Variants in SUCLG2 observed in about 807,000 individuals in gnomAD.
SUCLG2 encodes the protein succinate-CoA ligase GDP-forming subunit beta.
SUCLG2 carries 42 observed loss-of-function variants against 47.9 expected under a neutral mutation model. The ratio of observed to expected loss-of-function variants is 0.88; its 90% CI spans 0.69 to 1.14. The LOEUF is 1.14. Ranked by LOEUF, SUCLG2 falls within the 50% of genes most tolerant of loss-of-function variation. SUCLG2 has a pLI of 0.00. For missense variants in SUCLG2, 571 were observed against 525.9 expected, an observed-to-expected ratio of 1.09 and a Z score of -0.84; for synonymous variants, 195 against 197.3, an observed-to-expected ratio of 0.99 and a Z score of 0.10.
At chr3:67,477,905 A>C (rs1220739160) in intron 9 of SUCLG2, among the ~76,000 whole-genome samples, 6 of 152,244 alleles carry the variant, frequency 3.9e-5, no homozygotes, top group Non-Finnish European at 2.9e-5. Flanking sequence ...AAATAACAGC[A>C]GCTAGCACTT....
chr3:67,529,178 C>T lies in SUCLG2; in HGVS notation c.235G>A (p.Glu79Lys), dbSNP rs201284259. ...AAGATCTGGGCTTTTAAAACAATTTCTTTTGCATCTGAAAAAGAAAAATCC... is the reference window on the plus strand; with the variant it reads ...AAGATCTGGGCTTTTAAAACAATTTTTTTTGCATCTGAAAAAGAAAAATCC... Reference protein sequence around the residue: ...LEAAKRLNAKEIVLKAQILAG... With the variant: ...LEAAKRLNAKKIVLKAQILAG... Residue 79 changes from glutamate (E) to lysine (K), a missense_variant, in exon 3 of 11, where the codon GAA (glutamate) becomes AAA (lysine). Transcript: ENST00000307227. 1.4e-4 allele frequency: 220 copies of T among 1,608,158 alleles called. No individual in the cohort carries two copies. The highest frequency in any genetic ancestry group is 1.7e-4 in the Admixed American group (10 of 58,556).
At chr3:67,497,769 C>T (rs1705384886) in intron 8 of SUCLG2, among the ~76,000 whole-genome samples, 1 of 152,106 alleles carries the variant, frequency 6.6e-6, no homozygotes. Flanking sequence ...ATACCACAGC[C>T]ATTTGGAACT....
At chr3:67,489,059 T>C (rs978229513) in intron 9 of SUCLG2, among the ~76,000 whole-genome samples, 6 of 152,158 alleles carry the variant, frequency 3.9e-5, no homozygotes, top group African/African-American at 1.4e-4. Context: ...AGCATGTAAA[T>C]AGATTTTGAG....
chr3:67,508,782 T>G, intron 7 of SUCLG2, 25 bp downstream of exon 7: 2 of 1,517,492 alleles, frequency 1.3e-6, no homozygotes, highest in Non-Finnish European at 1.8e-6. Flanking sequence ...ATTCATTTGT[T>G]TTCTCAATTC....
chr3:67,375,396 C>T lies in SUCLG2; in HGVS notation c.*348G>A, dbSNP rs147658116. 2 of 997,482 alleles carry T rather than the reference C, an allele frequency of 2.0e-6. No homozygotes were observed. The highest frequency in any genetic ancestry group is 1.0e-4 in the East Asian group (1 of 9,670). 61.8% of individuals were successfully genotyped at this position (997,482 alleles called of 1,614,324 possible). ...TTCATTATGTAGGATTAGATGCCCA[C>T]CAAAATTCTTGTAAATGAAGCAGGA... is the stretch of plus-strand genomic sequence containing the variant. On this transcript the variant is annotated 3_prime_UTR_variant, in exon 11 of 11. Coordinates refer to ENST00000307227, the MANE Select transcript of SUCLG2 (RefSeq NM_003848.4).
intron 2 of SUCLG2, among the ~76,000 whole-genome samples, chr3:67,563,818 G>A (rs1707376277): frequency 6.6e-6 from 1 of 151,956 alleles, no homozygotes; most frequent in Non-Finnish European, 1.5e-5. Context: ...AAAATTAGCT[G>A]GGAGTGATGG....
chr3:67,453,015 C>A (rs531803738), intron 9 of SUCLG2, among the ~76,000 whole-genome samples: 3 of 151,688 alleles, frequency 2.0e-5, no homozygotes, highest in Non-Finnish European at 4.4e-5. Context: ...CATTCTCTTT[C>A]TGAACTCCTT....
intron 9 of SUCLG2, among the ~76,000 whole-genome samples, chr3:67,461,286 G>A (rs1272018458): frequency 1.3e-5 from 2 of 152,106 alleles, no homozygotes; most frequent in Non-Finnish European, 2.9e-5. Context: ...GTGCATTGAA[G>A]CCAACTCATT....
intron 9 of SUCLG2, among the ~76,000 whole-genome samples, chr3:67,407,664 G>A (rs1355652620): frequency 2.0e-5 from 3 of 152,198 alleles, no homozygotes; most frequent in Non-Finnish European, 2.9e-5. Flanking sequence ...ATTAGGTTTT[G>A]TCTGTGCCTA....
chr3:67,534,768 C>CAAAA lies in SUCLG2; in HGVS notation c.227-5586_227-5583dup, dbSNP rs60612549. Reference sequence around the variant, plus strand: ...GGACAGAACTCCCTAACACTGATGGCAAAAAAAAAAAAAAAAAAAAAAAAA... The same window carrying CAAAA: ...GGACAGAACTCCCTAACACTGATGGCAAAAAAAAAAAAAAAAAAAAAAAAAAAAA... On this transcript the variant is annotated intron_variant, in intron 2 of 10. Coordinates refer to ENST00000307227, the MANE Select transcript of SUCLG2 (RefSeq NM_003848.4). Among the ~76,000 whole-genome samples the CAAAA allele has an allele frequency of 4.8e-3, 168 of 34,946 alleles. 23 individuals are homozygous for CAAAA. The highest frequency in any genetic ancestry group is 0.011 in the African/African-American group (123 of 11,302). The allele number at this position is 34,946 out of a possible 152,430, so 22.9% of individuals were successfully genotyped here.
chr3:67,456,550 G>A (rs1239416046), intron 9 of SUCLG2, among the ~76,000 whole-genome samples: 1 of 152,120 alleles, frequency 6.6e-6, no homozygotes, highest in Non-Finnish European at 1.5e-5. Context: ...GAGGGCATAG[G>A]GAAAAACACA....
At chr3:67,579,643 A>T (rs1402152769) in intron 2 of SUCLG2, among the ~76,000 whole-genome samples, 1 of 152,202 alleles carries the variant, frequency 6.6e-6, no homozygotes, top group Non-Finnish European at 1.5e-5. Flanking sequence ...GAGCACAGTG[A>T]TATTCCAAGC....
At chr3:67,481,041 TATC>T (rs1704901026) in intron 9 of SUCLG2, among the ~76,000 whole-genome samples, 1 of 152,078 alleles carries the variant, frequency 6.6e-6, no homozygotes, top group African/African-American at 2.4e-5. Flanking sequence ...TTTACAAACA[TATC>T]ATCTACACTC....
At chr3:67,449,965 C>T (rs985673319) in intron 9 of SUCLG2, among the ~76,000 whole-genome samples, 1 of 152,038 alleles carries the variant, frequency 6.6e-6, no homozygotes, top group African/African-American at 2.4e-5. Context: ...AACAGTATCA[C>T]TATCAATACG....
rs1238195060 is a variant in SUCLG2, at chr3:67,498,265, T to A, written c.788A>T (p.Asp263Val). ...TTTTTGTCGGAATTCTGCGTTGTCATCAAAGTTTATCTTGGCATCAAAACA... is the reference window on the plus strand; with the variant it reads ...TTTTTGTCGGAATTCTGCGTTGTCAACAAAGTTTATCTTGGCATCAAAACA... ...VVCFDAKINF[D>V]DNAEFRQKDI... The change falls in exon 8 of 11, where the codon GAT becomes GTT. Residue 263 changes from aspartate (D) to valine (V), a missense_variant. Physicochemically the swap from Asp to Val is radical, Grantham distance 152 (BLOSUM62 -3). Transcript: ENST00000307227. 2 of 1,613,670 alleles carry A rather than the reference T, an allele frequency of 1.2e-6. No individual in the cohort carries two copies. Among genetic ancestry groups the A allele is most frequent in the Non-Finnish European group, 8.5e-7 (1 of 1,179,826 alleles).
intron 10 of SUCLG2, among the ~76,000 whole-genome samples, chr3:67,397,250 A>G (rs1702552849): frequency 6.6e-6 from 1 of 152,254 alleles, no homozygotes; most frequent in Admixed American, 6.5e-5. Flanking sequence ...TTTGCAGATG[A>G]CATGACTGTA....
In SUCLG2 at chr3:67,443,257, T is replaced by C. The variant is rs1010028513; in HGVS notation, c.1063-42406A>G. On this transcript the variant is annotated intron_variant, in intron 9 of 10. Transcript: ENST00000307227. The stretch of plus-strand genomic sequence containing the variant: ...GAGTCTGGAACCAATTCCCCAAGGA[T>C]ATTGAGGAACTAATGAAATTAGATC... Among the ~76,000 whole-genome samples the C allele has an allele frequency of 2.7e-3, 412 of 152,060 alleles. 3 individuals are homozygous for C. The highest frequency in any genetic ancestry group is 9.5e-3 in the African/African-American group (395 of 41,400).
At chr3:67,440,276 C>T (rs1037108270) in intron 9 of SUCLG2, among the ~76,000 whole-genome samples, 1 of 152,108 alleles carries the variant, frequency 6.6e-6, no homozygotes, top group African/African-American at 2.4e-5. Flanking sequence ...ACCATAAAAA[C>T]CTTAGAAGAA....
At chr3:67,500,526 CA>C (rs1233644060) in intron 7 of SUCLG2, among the ~76,000 whole-genome samples, 13 of 152,102 alleles carry the variant, frequency 8.5e-5, no homozygotes, top group African/African-American at 3.1e-4. Context: ...AATTACTTTC[CA>C]AAATATTGAA....
Sources: allele counts gnomAD v4.1 joint callset (sites outside exome capture counted in the v4.1 genomes callset), GRCh38; gene constraint gnomAD v4.1.1; transcripts MANE v1.5; gene names NCBI Gene and HGNC (gene_info 2026-07-23, HGNC 2026-07-21).